DKK2: variants seen among roughly 807,000 people sequenced by gnomAD.
The protein encoded by DKK2 is dickkopf-related protein 2.
DKK2 carries 11 observed loss-of-function variants against 28.1 expected under a neutral mutation model. That is an observed-to-expected ratio of 0.39 (90% CI 0.25 to 0.65). The LOEUF is 0.65. Among genes scored for constraint, DKK2 ranks in the 30% least tolerant of loss-of-function variants. The pLI is 0.47. For synonymous variants in DKK2, 135 were observed against 126.5 expected (o/e 1.07, Z -0.45); for missense variants, 326 against 335.5 (o/e 0.97, Z 0.22).
chr4:106,955,742 C>A (rs965469671), intron 1 of DKK2, among the ~76,000 whole-genome samples: 1 of 152,122 alleles, frequency 6.6e-6, no homozygotes, highest in East Asian at 1.9e-4. Context: ...AATAAAAAAA[C>A]CATATCTTGG....
At chr4:106,963,632 C>T (rs979913069) in intron 1 of DKK2, among the ~76,000 whole-genome samples, 13 of 152,006 alleles carry the variant, frequency 8.6e-5, no homozygotes, top group African/African-American at 1.7e-4. Flanking sequence ...GGAGGTGCCT[C>T]AAAACCTAAA....
intron 1 of DKK2, among the ~76,000 whole-genome samples, chr4:106,935,903 G>T (rs1254779145): frequency 6.6e-6 from 1 of 152,164 alleles, no homozygotes; most frequent in Admixed American, 6.5e-5. Context: ...GCAGCTGAGG[G>T]TCCTGTCCGT....
chr4:107,009,218 T>C (rs79369874), intron 1 of DKK2, among the ~76,000 whole-genome samples: 9,900 of 152,016 alleles, frequency 0.065, 373 homozygotes, highest in Middle Eastern at 0.088. Flanking sequence ...AAAATCCCCA[T>C]TAATTTTAAC....
At chr4:107,001,748 G>C (rs376465197) in intron 1 of DKK2, among the ~76,000 whole-genome samples, 6 of 152,192 alleles carry the variant, frequency 3.9e-5, no homozygotes, top group African/African-American at 1.4e-4. Flanking sequence ...ACAATATGTT[G>C]TATGTATAAA....
chr4:106,922,372 A>G lies in DKK2; in HGVS notation c.*1582T>C, dbSNP rs1262208736. 1.3e-5 allele frequency: 2 copies of G among 152,212 alleles called. No individual in the cohort carries two copies. The highest frequency in any genetic ancestry group is 2.9e-5 in the Non-Finnish European group (2 of 68,038). The allele number at this position is 152,212 out of a possible 1,614,324, so 9.4% of individuals were successfully genotyped here. ...AACCTTTTATTGTTTTGTGCTCCAG[A>G]CAAAGTATTTAGAACTGAGTTAAGT... On this transcript the variant is annotated 3_prime_UTR_variant, in exon 4 of 4. Transcript: ENST00000285311.
intron 1 of DKK2, among the ~76,000 whole-genome samples, chr4:106,943,886 G>C (rs953992156): frequency 6.6e-6 from 1 of 152,066 alleles, no homozygotes; most frequent in African/African-American, 2.4e-5. Flanking sequence ...TATGGCATGT[G>C]GGAGCTATGA....
At chr4:106,972,254 A>T (rs1722878652) in intron 1 of DKK2, among the ~76,000 whole-genome samples, 1 of 152,048 alleles carries the variant, frequency 6.6e-6, no homozygotes, top group Non-Finnish European at 1.5e-5. Context: ...GTCAATTTAC[A>T]GAAGCAAATT....
At chr4:106,936,140 A>G (rs1201310606) in intron 1 of DKK2, among the ~76,000 whole-genome samples, 1 of 152,222 alleles carries the variant, frequency 6.6e-6, no homozygotes, top group Non-Finnish European at 1.5e-5. Context: ...AGCTGAGAGA[A>G]GAAGGCTTCA....
chr4:106,952,220 C>T (rs1053179792), intron 1 of DKK2, among the ~76,000 whole-genome samples: 8 of 152,208 alleles, frequency 5.3e-5, no homozygotes, highest in African/African-American at 1.9e-4. Context: ...CCTTTGTATC[C>T]TATTCAATTT....
intron 1 of DKK2, among the ~76,000 whole-genome samples, chr4:106,943,987 T>C (rs1351066431): frequency 6.6e-6 from 1 of 152,092 alleles, no homozygotes; most frequent in Non-Finnish European, 1.5e-5. Context: ...TCACTAAATA[T>C]ATTTCTTGTT....
At position 106,968,065 on chromosome 4, in the gene DKK2, AGG is replaced by A. The variant is rs374870094; in HGVS notation, c.223-42118_223-42117del. Among the ~76,000 whole-genome samples, 220 of 150,400 alleles carry A rather than the reference AGG, an allele frequency of 1.5e-3. 1 individual carries two copies. Among genetic ancestry groups the A allele is most frequent in the African/African-American group, 5.1e-3 (208 of 40,444 alleles). On this transcript the variant is annotated intron_variant, in intron 1 of 3. Transcript: ENST00000285311. ...AGGGAGAAAACGGAGGAATGAAGAA[AGG>A]GGGAGAGAAAGGAAGGGAAAAGGAG...
chr4:106,980,985 G>A (rs532903471), intron 1 of DKK2, among the ~76,000 whole-genome samples: 10 of 152,152 alleles, frequency 6.6e-5, no homozygotes, highest in African/African-American at 1.2e-4. Flanking sequence ...CCCTCCACCC[G>A]AAGAAGGCAA....
At chr4:106,955,871 C>G (rs753291416) in intron 1 of DKK2, among the ~76,000 whole-genome samples, 2 of 152,180 alleles carry the variant, frequency 1.3e-5, no homozygotes, top group Non-Finnish European at 2.9e-5. Context: ...CTCACGCCCT[C>G]CTCCTGCACT....
intron 1 of DKK2, among the ~76,000 whole-genome samples, chr4:106,974,815 G>T (rs928685656): frequency 9.2e-5 from 14 of 152,084 alleles, no homozygotes; most frequent in African/African-American, 3.4e-4. Context: ...TCCTTTTCTT[G>T]TGCCGGTTTT....
chr4:106,935,639 CT>C (rs1403748956), intron 1 of DKK2, among the ~76,000 whole-genome samples: 2 of 152,252 alleles, frequency 1.3e-5, no homozygotes, highest in Non-Finnish European at 2.9e-5. Context: ...CTGCCTGCTT[CT>C]GTAGGCTCCA....
chr4:107,029,602 C>T (rs956570857), intron 1 of DKK2, among the ~76,000 whole-genome samples: 2 of 152,060 alleles, frequency 1.3e-5, no homozygotes, highest in East Asian at 1.9e-4. Flanking sequence ...ACCTGAAGAT[C>T]GCTCACTTCT....
chr4:106,988,811 A>G (rs1723163080), intron 1 of DKK2, among the ~76,000 whole-genome samples: 1 of 152,212 alleles, frequency 6.6e-6, no homozygotes, highest in South Asian at 2.1e-4. Flanking sequence ...CCAAGGGTCA[A>G]CGGCTTTTGT....
At chr4:106,930,859 T>C (rs1210685941) in intron 1 of DKK2, among the ~76,000 whole-genome samples, 1 of 152,156 alleles carries the variant, frequency 6.6e-6, no homozygotes, top group East Asian at 1.9e-4. Flanking sequence ...ATCTGGGGTC[T>C]CTGAGAGCAC....
At chr4:107,001,717 C>A (rs1414227078) in intron 1 of DKK2, among the ~76,000 whole-genome samples, 3 of 152,092 alleles carry the variant, frequency 2.0e-5, no homozygotes, top group Non-Finnish European at 2.9e-5. Context: ...TCATACCATT[C>A]AGTGTGTTCT....
Sources: gnomAD v4.1 joint callset for allele counts (sites outside exome capture counted in the v4.1 genomes callset) on GRCh38, gnomAD v4.1.1 for gene constraint, MANE v1.5 for transcripts, NCBI Gene and HGNC (gene_info 2026-07-23, HGNC 2026-07-21) for gene names.